NRG1: variants seen among roughly 807,000 people sequenced by gnomAD.
NRG1 encodes the protein pro-neuregulin-1, membrane-bound isoform.
A neutral mutation model predicts 63.8 loss-of-function variants in NRG1; 18 were observed. The ratio of observed to expected loss-of-function variants is 0.28; its 90% CI spans 0.19 to 0.42. The LOEUF (loss-of-function observed/expected upper bound fraction) is 0.42, where lower values mean the gene tolerates loss of function less well. NRG1 is among the 10% of genes least tolerant of loss of function. The pLI is 1.00. For missense variants in NRG1, 762 were observed against 814.7 expected, an observed-to-expected ratio of 0.94 and a Z score of 0.79; for synonymous variants, 302 against 301.3, an observed-to-expected ratio of 1.00 and a Z score of -0.02.
chr8:32,506,075 C>A (rs1230795272), intron 1 of NRG1, among the ~76,000 whole-genome samples: 1 of 152,000 alleles, frequency 6.6e-6, no homozygotes, highest in Non-Finnish European at 1.5e-5. Flanking sequence ...GATAGCAAGA[C>A]CCTGTCTCTA....
Position 32,605,684 on chromosome 8 carries a change from G to A in NRG1, c.400+1G>A. 1.2e-6 allele frequency: 2 copies of A among 1,612,476 alleles called. No individual in the cohort carries two copies. Among genetic ancestry groups the A allele is most frequent in the Non-Finnish European group, 1.7e-6 (2 of 1,178,980 alleles). On this transcript the variant is annotated splice_donor_variant, in intron 3 of 11. Coordinates refer to ENST00000356819, the Ensembl canonical transcript of NRG1. LOFTEE classifies it high-confidence loss of function. ...AATATCACCATCGTGGAATCAAACG[G>A]TAAGAGATACCTACGGTATTCTGTT...
At chr8:31,911,468 C>T (rs908197548) in intron 1 of NRG1, among the ~76,000 whole-genome samples, 7 of 152,058 alleles carry the variant, frequency 4.6e-5, no homozygotes, top group Non-Finnish European at 7.4e-5. Flanking sequence ...ATTGACCTTA[C>T]CAAACTATTG....
At chr8:32,027,850 T>A (rs1035680176) in intron 1 of NRG1, among the ~76,000 whole-genome samples, 4 of 152,176 alleles carry the variant, frequency 2.6e-5, no homozygotes, top group Non-Finnish European at 5.9e-5. Flanking sequence ...CTGTGTATTC[T>A]TGAATCTTCA....
At chr8:32,489,752 G>T (rs988509913) in intron 1 of NRG1, among the ~76,000 whole-genome samples, 1 of 152,196 alleles carries the variant, frequency 6.6e-6, no homozygotes, top group Non-Finnish European at 1.5e-5. Context: ...TTATGTCAGT[G>T]GAAAATACAG....
chr8:32,161,026 G>A (rs1455384523), intron 1 of NRG1, among the ~76,000 whole-genome samples: 1 of 152,152 alleles, frequency 6.6e-6, no homozygotes, highest in East Asian at 1.9e-4. Context: ...ATAAGGTGAT[G>A]CTCACTTTAC....
chr8:31,900,701 G>A (rs920745781), intron 1 of NRG1, among the ~76,000 whole-genome samples: 1 of 152,010 alleles, frequency 6.6e-6, no homozygotes, highest in African/African-American at 2.4e-5. Flanking sequence ...TGACTGCTTC[G>A]TGGCGTATAT....
At chr8:32,020,260 A>G (rs1157367293) in intron 1 of NRG1, among the ~76,000 whole-genome samples, 5 of 152,194 alleles carry the variant, frequency 3.3e-5, no homozygotes, top group Non-Finnish European at 5.9e-5. Flanking sequence ...TTTTGATGCT[A>G]TGCTAAATGG....
At chr8:32,333,123 C>A (rs1312268939) in intron 1 of NRG1, among the ~76,000 whole-genome samples, 1 of 152,154 alleles carries the variant, frequency 6.6e-6, no homozygotes, top group Non-Finnish European at 1.5e-5. Flanking sequence ...AGTTGTCTAT[C>A]CCAAAAAGAC....
At chr8:32,257,053 G>T (rs1339828147) in intron 1 of NRG1, among the ~76,000 whole-genome samples, 1 of 152,170 alleles carries the variant, frequency 6.6e-6, no homozygotes, top group Non-Finnish European at 1.5e-5. Context: ...GCTCTGCCAA[G>T]TACGAACTTC....
intron 1 of NRG1, among the ~76,000 whole-genome samples, chr8:32,431,247 CATAAAGTCACT>C (rs1818110910): frequency 2.0e-5 from 3 of 152,220 alleles, no homozygotes; most frequent in South Asian, 4.1e-4. Flanking sequence ...CTGTGTAATA[CATAAAGTCACT>C]CAGGAAACAG....
At chr8:32,005,073 A>T (rs1263661866) in intron 1 of NRG1, among the ~76,000 whole-genome samples, 1 of 151,536 alleles carries the variant, frequency 6.6e-6, no homozygotes, top group Non-Finnish European at 1.5e-5. Context: ...AGGAATAGAA[A>T]GGGAAAGAGG....
At chr8:32,088,078 G>C (rs566330892) in intron 1 of NRG1, among the ~76,000 whole-genome samples, 1 of 152,228 alleles carries the variant, frequency 6.6e-6, no homozygotes, top group Non-Finnish European at 1.5e-5. Context: ...CTCTAGGAAG[G>C]CTTCCTTTGG....
chr8:31,768,333 G>T (rs1818280231), intron 1 of NRG1, among the ~76,000 whole-genome samples: 1 of 152,186 alleles, frequency 6.6e-6, no homozygotes, highest in Admixed American at 6.5e-5. Flanking sequence ...AAGCAGACCT[G>T]CAGTTTACAC....
intron 1 of NRG1, among the ~76,000 whole-genome samples, chr8:31,781,782 TG>T (rs1186378236): frequency 4.6e-5 from 7 of 152,084 alleles, no homozygotes; most frequent in African/African-American, 1.7e-4. Context: ...AAACAGAATC[TG>T]GTTTTTGCCA....
intron 1 of NRG1, among the ~76,000 whole-genome samples, chr8:31,913,171 G>A (rs894102652): frequency 6.6e-6 from 1 of 152,098 alleles, no homozygotes; most frequent in African/African-American, 2.4e-5. Context: ...TTCAATATAG[G>A]TTTGCCAGAC....
In NRG1 at chr8:31,777,660, G is replaced by A. The variant is rs117031417; in HGVS notation, c.37+138229G>A. Among the ~76,000 whole-genome samples, 1,538 of 152,334 alleles carry A rather than the reference G, an allele frequency of 0.01. 49 individuals are homozygous for A. In the South Asian group the frequency reaches 0.11, roughly 11 times the overall value. Reference sequence around the variant, plus strand: ...GAGGTCTGCAGGCTATACAAGAAGCGTGGCGCCACATCATCTGCTTCTGAT... The same window carrying A: ...GAGGTCTGCAGGCTATACAAGAAGCATGGCGCCACATCATCTGCTTCTGAT... On this transcript the variant is annotated intron_variant, in intron 1 of 10. Coordinates refer to the NRG1 transcript ENST00000519301.
At chr8:32,369,018 T>TGCA (rs1212264330) in intron 1 of NRG1, among the ~76,000 whole-genome samples, 2 of 152,190 alleles carry the variant, frequency 1.3e-5, no homozygotes, top group Non-Finnish European at 2.9e-5. Flanking sequence ...ATGCTAACAT[T>TGCA]TTCTACCCTG....
At chr8:32,525,686 A>G (rs1830764937) in intron 1 of NRG1, among the ~76,000 whole-genome samples, 1 of 152,070 alleles carries the variant, frequency 6.6e-6, no homozygotes, top group Non-Finnish European at 1.5e-5. Flanking sequence ...GGATCTGTGT[A>G]TATACTTTAA....
intron 1 of NRG1, among the ~76,000 whole-genome samples, chr8:32,205,453 T>C (rs920178952): frequency 2.0e-5 from 3 of 152,164 alleles, no homozygotes; most frequent in African/African-American, 7.2e-5. Flanking sequence ...GATAAGGATA[T>C]ATAAATGATT....
Sources: allele counts gnomAD v4.1 joint callset (sites outside exome capture counted in the v4.1 genomes callset), GRCh38; gene constraint gnomAD v4.1.1; transcripts MANE v1.5; gene names NCBI Gene and HGNC (gene_info 2026-07-23, HGNC 2026-07-21).